The following PRPF6 variants were observed in gnomAD, a reference collection of about 807,000 sequenced individuals.
PRPF6 encodes pre-mRNA processing factor 6, also known as pre-mRNA-processing factor 6.
In PRPF6, 42 loss-of-function variants were observed where a neutral mutation model predicts 118.3. The ratio of observed to expected loss-of-function variants is 0.35; its 90% CI spans 0.28 to 0.46. PRPF6 has a LOEUF of 0.46. PRPF6 is among the 20% of genes least tolerant of loss of function. The probability of loss-of-function intolerance (pLI) is 1.00; values close to 1 mark genes in which losing one functional copy is unlikely to be tolerated. For synonymous variants in PRPF6, 481 were observed against 485.1 expected, an observed-to-expected ratio of 0.99 and a Z score of 0.11; for missense variants, 662 against 1,255.7, an observed-to-expected ratio of 0.53 and a Z score of 7.15.
intron 9 of PRPF6, among the ~76,000 whole-genome samples, chr20:64,009,279 C>CAA (rs59045216): frequency 0.032 from 1,137 of 36,016 alleles, 3 homozygotes; most frequent in Middle Eastern, 0.04. Flanking sequence ...GACTCCATCG[C>CAA]AAAAAAAAAA....
intron 4 of PRPF6, among the ~76,000 whole-genome samples, chr20:63,994,250 C>A (rs1448215918): frequency 6.6e-6 from 1 of 150,970 alleles, no homozygotes; most frequent in Non-Finnish European, 1.5e-5. Flanking sequence ...CTCCGCCTCC[C>A]AGGTTCAAAC....
intron 1 of PRPF6, among the ~76,000 whole-genome samples, chr20:63,982,461 C>T (rs1397275420): frequency 2.6e-5 from 4 of 152,196 alleles, no homozygotes; most frequent in Non-Finnish European, 4.4e-5. Flanking sequence ...TGAGCCACCA[C>T]GCCCGGCCCA....
At chr20:63,994,508 A>C (rs546094263) in intron 4 of PRPF6, among the ~76,000 whole-genome samples, 1 of 152,224 alleles carries the variant, frequency 6.6e-6, no homozygotes, top group Non-Finnish European at 1.5e-5. Flanking sequence ...GGCTGGGTAC[A>C]GTGGCTCACA....
At chr20:63,994,158 CTTTT>C (rs1158030989) in intron 4 of PRPF6, among the ~76,000 whole-genome samples, 2 of 138,362 alleles carry the variant, frequency 1.4e-5, no homozygotes, top group Admixed American at 7.3e-5. Flanking sequence ...TTTTCTTTTT[CTTTT>C]TTTTTTTTTT....
chr20:64,007,424 T>G, intron 9 of PRPF6, among the ~76,000 whole-genome samples: 1 of 99,102 alleles, frequency 1.0e-5, no homozygotes, highest in Admixed American at 1.2e-4. Flanking sequence ...CCGCCTCCGC[T>G]TCCCTCCCCG....
chr20:64,031,819 G>A (rs1003855762), intron 19 of PRPF6, 99 bp from the exon 20 acceptor site: 28 of 1,538,872 alleles, frequency 1.8e-5, no homozygotes, highest in African/African-American at 1.1e-4. Context: ...CCAGGGCTGC[G>A]GGTCAGGGAT....
chr20:63,987,744 T>A (rs2059101113), intron 3 of PRPF6, among the ~76,000 whole-genome samples: 1 of 152,172 alleles, frequency 6.6e-6, no homozygotes, highest in African/African-American at 2.4e-5. Flanking sequence ...ACTGACAAAT[T>A]GATTAAAGTT....
At position 64,017,815 on chromosome 20, in the gene PRPF6, A is replaced by C. The variant is rs966844674; in HGVS notation, c.1647+970A>C. On this transcript the variant is annotated intron_variant, in intron 12 of 20. Transcript: ENST00000266079. ...AACACTTTGGTGTGTATTTCTTTAAAAGAGGACGTTCTCTTACACAGCCAT... is the reference window on the plus strand; with the variant it reads ...AACACTTTGGTGTGTATTTCTTTAACAGAGGACGTTCTCTTACACAGCCAT... Among the ~76,000 whole-genome samples, 19 of 152,364 alleles carry C rather than the reference A, an allele frequency of 1.2e-4. 1 individual carries two copies. Among genetic ancestry groups the C allele is most frequent in the African/African-American group, 4.3e-4 (18 of 41,592 alleles).
chr20:63,996,496 G>A (rs938012982), intron 6 of PRPF6, among the ~76,000 whole-genome samples: 1 of 152,120 alleles, frequency 6.6e-6, no homozygotes, highest in African/African-American at 2.4e-5. Context: ...TGTATTTTTT[G>A]TTGAGATGGG....
rs576521563 is a variant in PRPF6 at position 64,009,520 on chromosome 20, T to C, written c.1187-680T>C. Among the ~76,000 whole-genome samples, 5 of 152,046 alleles carry C rather than the reference T, an allele frequency of 3.3e-5. No individual in the cohort carries two copies. The South Asian group carries it at 8.3e-4, about 25-fold the overall frequency. ...GGCGGATCACTTGAGATCAGGAGTTTGAGACCAGCCTGGCCAATATGGTGA... is the reference window on the plus strand; with the variant it reads ...GGCGGATCACTTGAGATCAGGAGTTCGAGACCAGCCTGGCCAATATGGTGA... On this transcript the variant is annotated intron_variant, in intron 9 of 20. Coordinates refer to ENST00000266079, the MANE Select transcript of PRPF6 (RefSeq NM_012469.4).
chr20:64,031,957 G>A lies in PRPF6; in HGVS notation c.2586G>A (p.Glu862=), dbSNP rs1331454342. The part of the protein sequence containing the change: ...WSQRKITKAR[E]WFHRTVKIDS... ...AGCGGAAGATCACCAAGGCCAGGGAGTGGTTCCACCGCACTGTGAAGATTG... is the reference window on the plus strand; with the variant it reads ...AGCGGAAGATCACCAAGGCCAGGGAATGGTTCCACCGCACTGTGAAGATTG... The change falls in exon 20 of 21, where the codon GAG becomes GAA. Residue 862 remains glutamate (E), a synonymous_variant. Transcript: ENST00000266079. 1 of 1,614,066 alleles carries A rather than the reference G, an allele frequency of 6.2e-7. No homozygotes were observed. Among genetic ancestry groups the A allele is most frequent in the Non-Finnish European group, 8.5e-7 (1 of 1,180,050 alleles).
intron 12 of PRPF6, among the ~76,000 whole-genome samples, chr20:64,017,587 G>C (rs935966219): frequency 6.7e-6 from 1 of 150,052 alleles, no homozygotes; most frequent in Admixed American, 6.6e-5. Flanking sequence ...GAGCTGCCGC[G>C]CCCGGCCTCC....
intron 9 of PRPF6, among the ~76,000 whole-genome samples, chr20:64,002,150 C>G (rs548434609): frequency 1.3e-5 from 2 of 149,028 alleles, no homozygotes; most frequent in East Asian, 4.0e-4. Flanking sequence ...TCCTGAGTAG[C>G]TGGGACTACA....
At chr20:64,020,070 T>A (rs1441438755) in intron 12 of PRPF6, among the ~76,000 whole-genome samples, 1 of 152,196 alleles carries the variant, frequency 6.6e-6, no homozygotes, top group African/African-American at 2.4e-5. Flanking sequence ...CTGACCCACT[T>A]CCTGGTGGCC....
chr20:64,027,121 AGAT>A lies in PRPF6; in HGVS notation c.2173_2175del (p.Met725del). 6.2e-7 allele frequency: 1 copy of A among 1,613,996 alleles called. No homozygotes were observed. The highest frequency in any genetic ancestry group is 8.5e-7 in the Non-Finnish European group (1 of 1,180,018). ...AAGGGGCAGATCGAGGAGCAGAAGG[AGAT>A]GATGGAGAAGGCGCGGGAAGCCTAT... On this transcript the variant is annotated inframe_deletion, in exon 16 of 21. Coordinates refer to ENST00000266079, the MANE Select transcript of PRPF6 (RefSeq NM_012469.4). This position sits in a 1 kb window ranked among gnomAD's most constrained non-coding sequence, Gnocchi z 6.5.
intron 3 of PRPF6, among the ~76,000 whole-genome samples, chr20:63,991,260 C>T (rs558099610): frequency 6.6e-6 from 1 of 151,676 alleles, no homozygotes; most frequent in African/African-American, 2.4e-5. Context: ...CCTGTCTCTA[C>T]AAAAACAAAA....
chr20:63,982,187 T>A (rs1025453674), intron 1 of PRPF6, among the ~76,000 whole-genome samples: 3 of 151,684 alleles, frequency 2.0e-5, no homozygotes, highest in Non-Finnish European at 4.4e-5. Flanking sequence ...TATTATTATT[T>A]TTTGAGACAA....
intron 9 of PRPF6, among the ~76,000 whole-genome samples, chr20:64,003,082 G>A (rs1310879710): frequency 6.6e-6 from 1 of 151,906 alleles, no homozygotes; most frequent in Admixed American, 6.6e-5. Flanking sequence ...GTAGCTGGGA[G>A]TATAGGTCCC....
intron 9 of PRPF6, among the ~76,000 whole-genome samples, chr20:64,007,372 C>CCGCCT (rs1366960306): frequency 6.7e-6 from 1 of 148,368 alleles, no homozygotes; most frequent in African/African-American, 2.5e-5. Flanking sequence ...TCTCCCCTCC[C>CCGCCT]CGCCTCCCCT....
Sources: gnomAD v4.1 joint callset for allele counts (sites outside exome capture counted in the v4.1 genomes callset) on GRCh38, gnomAD v4.1.1 for gene constraint, Gnocchi (gnomAD v3.1) non-coding constraint, MANE v1.5 for transcripts, NCBI Gene and HGNC (gene_info 2026-07-23, HGNC 2026-07-21) for gene names.